Variants in PPP3CA observed in about 807,000 individuals in gnomAD.
PPP3CA encodes the protein CAM-PRP catalytic subunit.
PPP3CA carries 14 observed loss-of-function variants against 66.5 expected under a neutral mutation model. That is an observed-to-expected ratio of 0.21 (90% CI 0.14 to 0.33). The LOEUF (loss-of-function observed/expected upper bound fraction) is 0.33, where lower values mean the gene tolerates loss of function less well. PPP3CA is among the 10% of genes least tolerant of loss of function. The pLI is 1.00. For missense variants in PPP3CA, 317 were observed against 639.5 expected (o/e 0.50, Z 5.44); for synonymous variants, 232 against 226.2 (o/e 1.03, Z -0.23).
intron 1 of PPP3CA, among the ~76,000 whole-genome samples, chr4:101,200,321 C>T (rs1449989001): frequency 2.6e-5 from 4 of 152,098 alleles, no homozygotes; most frequent in African/African-American, 9.7e-5. Context: ...AAAGACATTG[C>T]ATCTGTCATG....
At chr4:101,323,165 T>G (rs1162790863) in intron 1 of PPP3CA, among the ~76,000 whole-genome samples, 1 of 152,164 alleles carries the variant, frequency 6.6e-6, no homozygotes, top group East Asian at 1.9e-4. Flanking sequence ...TTCCTATTGC[T>G]CCATTCCTCC....
At chr4:101,131,342 AG>A (rs1280531752) in intron 2 of PPP3CA, among the ~76,000 whole-genome samples, 5 of 151,626 alleles carry the variant, frequency 3.3e-5, no homozygotes, top group Non-Finnish European at 7.4e-5. Context: ...TGCTGTATTC[AG>A]GAGACCCATC....
chr4:101,292,960 C>A (rs1284329359), intron 1 of PPP3CA, among the ~76,000 whole-genome samples: 1 of 152,170 alleles, frequency 6.6e-6, no homozygotes, highest in African/African-American at 2.4e-5. Context: ...CATTTACAGG[C>A]TAAGTTTGAT....
intron 6 of PPP3CA, among the ~76,000 whole-genome samples, chr4:101,084,411 C>T (rs968183232): frequency 6.6e-6 from 1 of 151,980 alleles, no homozygotes; most frequent in African/African-American, 2.4e-5. Context: ...GAGGCAGAGG[C>T]GGGCAGATCA....
At chr4:101,130,051 C>T (rs368523912) in intron 2 of PPP3CA, among the ~76,000 whole-genome samples, 3 of 151,912 alleles carry the variant, frequency 2.0e-5, no homozygotes, top group African/African-American at 7.3e-5. Flanking sequence ...TAGAGAAGAA[C>T]ATAAATGACC....
intron 2 of PPP3CA, among the ~76,000 whole-genome samples, chr4:101,185,098 T>G (rs946485946): frequency 6.6e-6 from 1 of 152,122 alleles, no homozygotes; most frequent in Non-Finnish European, 1.5e-5. Context: ...TTGTTTAAAT[T>G]GTCTCCTTAG....
intron 1 of PPP3CA, among the ~76,000 whole-genome samples, chr4:101,232,819 A>G (rs915210896): frequency 5.3e-5 from 8 of 151,716 alleles, no homozygotes; most frequent in African/African-American, 1.9e-4. Flanking sequence ...TTATTCTGAA[A>G]ATGTCAATTT....
intron 10 of PPP3CA, among the ~76,000 whole-genome samples, chr4:101,060,663 G>A (rs1728422977): frequency 1.3e-5 from 2 of 152,036 alleles, no homozygotes; most frequent in South Asian, 4.1e-4. Flanking sequence ...ATATGTAAAT[G>A]CCTTTTTCAT....
chr4:101,305,408 T>C (rs1329478153), intron 1 of PPP3CA, among the ~76,000 whole-genome samples: 5 of 152,208 alleles, frequency 3.3e-5, no homozygotes, highest in African/African-American at 1.2e-4. Context: ...TAAATTATTG[T>C]TTATGGAAAT....
chr4:101,243,725 G>A (rs1726387654), intron 1 of PPP3CA, among the ~76,000 whole-genome samples: 1 of 152,118 alleles, frequency 6.6e-6, no homozygotes, highest in African/African-American at 2.4e-5. Context: ...AATCCCACAT[G>A]GTTGCCGAGG....
intron 1 of PPP3CA, among the ~76,000 whole-genome samples, chr4:101,334,175 C>T (rs1036141470): frequency 2.0e-5 from 3 of 151,814 alleles, no homozygotes; most frequent in Non-Finnish European, 4.4e-5. Context: ...ACTCTTGTCG[C>T]CCAGGCTTGA....
chr4:101,063,823 A>T (rs1358314), intron 8 of PPP3CA, among the ~76,000 whole-genome samples: 52,848 of 151,726 alleles, frequency 0.35, 11,149 homozygotes, highest in African/African-American at 0.58. Flanking sequence ...GATTGCTTTA[A>T]TTTTTACTTT....
chr4:101,330,521 CT>C (rs1560721126), intron 1 of PPP3CA: 1 of 478,042 alleles, frequency 2.1e-6, no homozygotes, highest in Non-Finnish European at 4.3e-6. Flanking sequence ...ATGTACATTG[CT>C]TTTTTAAACA....
chr4:101,126,564 A>G (rs1252138698), intron 2 of PPP3CA, among the ~76,000 whole-genome samples: 2 of 152,214 alleles, frequency 1.3e-5, no homozygotes, highest in South Asian at 2.1e-4. Flanking sequence ...ACTGATTACT[A>G]TGGAAATTCT....
chr4:101,252,652 C>G (rs894362115), intron 1 of PPP3CA, among the ~76,000 whole-genome samples: 7 of 152,156 alleles, frequency 4.6e-5, no homozygotes. Flanking sequence ...ATATTCATCA[C>G]ATATAGGTCC....
At chr4:101,090,954 ACAT>A (rs1336007360) in intron 6 of PPP3CA, among the ~76,000 whole-genome samples, 1 of 146,754 alleles carries the variant, frequency 6.8e-6, no homozygotes, top group African/African-American at 2.6e-5. Context: ...TAATATACAC[ACAT>A]ATCTGTGTCT....
chr4:101,331,697 C>CTT (rs910609908), intron 1 of PPP3CA, among the ~76,000 whole-genome samples: 2 of 152,122 alleles, frequency 1.3e-5, no homozygotes, highest in Non-Finnish European at 2.9e-5. Flanking sequence ...GCTCAATCAA[C>CTT]TTTTATTATA....
In PPP3CA at chr4:101,161,488, G is replaced by A. The variant is rs1578508274; in HGVS notation, c.259+34428C>T. On this transcript the variant is annotated intron_variant, in intron 2 of 13. Coordinates refer to ENST00000394854, the MANE Select transcript of PPP3CA (RefSeq NM_000944.5). ...AGCAGACTGCCTTAGTGTTGTTATGGGAACATTTATCAGATGGGAGGAAGT... is the reference window on the plus strand; with the variant it reads ...AGCAGACTGCCTTAGTGTTGTTATGAGAACATTTATCAGATGGGAGGAAGT... Among the ~76,000 whole-genome samples, 4 of 152,036 alleles carry A rather than the reference G, an allele frequency of 2.6e-5. No homozygotes were observed. In the East Asian group the frequency reaches 5.8e-4, roughly 22 times the overall value.
intron 8 of PPP3CA, among the ~76,000 whole-genome samples, chr4:101,079,918 C>T (rs1729362697): frequency 6.6e-6 from 1 of 152,144 alleles, no homozygotes; most frequent in Non-Finnish European, 1.5e-5. Flanking sequence ...TGGATTTGAA[C>T]CTAGTTCATT....
Sources: allele counts gnomAD v4.1 joint callset (sites outside exome capture counted in the v4.1 genomes callset), GRCh38; gene constraint gnomAD v4.1.1; transcripts MANE v1.5; gene names NCBI Gene and HGNC (gene_info 2026-07-23, HGNC 2026-07-21).